DNAH17: variants seen among roughly 807,000 people sequenced by gnomAD.
The protein encoded by DNAH17 is axonemal beta dynein heavy chain 17.
A neutral mutation model predicts 485.6 loss-of-function variants in DNAH17; 376 were observed. The observed-to-expected ratio is 0.77, with a 90% confidence interval of 0.71 to 0.84. The LOEUF (loss-of-function observed/expected upper bound fraction) is 0.84. Among genes scored for constraint, DNAH17 ranks in the 40% least tolerant of loss-of-function variants. DNAH17 has a pLI of 0.00. For missense variants in DNAH17, 6,370 were observed against 5,839.3 expected, an observed-to-expected ratio of 1.09 and a Z score of -2.96; for synonymous variants, 3,031 against 2,405.9, an observed-to-expected ratio of 1.26 and a Z score of -7.60.
rs372681378 is a variant in DNAH17 at position 78,462,919 on chromosome 17, C to T, written c.9099G>A (p.Lys3033=). 2.8e-5 allele frequency: 45 copies of T among 1,613,998 alleles called. No individual in the cohort carries two copies. Among genetic ancestry groups the T allele is most frequent in the Non-Finnish European group, 3.4e-5 (40 of 1,179,890 alleles). The change falls in exon 57 of 81, where the codon AAG becomes AAA. Residue 3033 remains lysine (K), a synonymous_variant. Coordinates refer to ENST00000389840, the MANE Select transcript of DNAH17 (RefSeq NM_173628.4). ...TTTTGGCAACAAGTTCCGTTCTCTTCTTGGCCAGCAGGTTCTGGTACAGTT... is the reference window on the plus strand; with the variant it reads ...TTTTGGCAACAAGTTCCGTTCTCTTTTTGGCCAGCAGGTTCTGGTACAGTT... The part of the protein sequence containing the change: ...QIKLYQNLLA[K]KRTELVAKIE...
At position 78,550,173 on chromosome 17, in the gene DNAH17, G is replaced by A. The variant is rs373928889; in HGVS notation, c.2391+1362C>T. On this transcript the variant is annotated intron_variant, in intron 16 of 80. Transcript: ENST00000389840. ...CATGCCCACTAGCTGGCGAGACAAC[G>A]CCATCAACAGGCTAGAAGAATGTTA... Among the ~76,000 whole-genome samples, 21 of 152,346 alleles carry A rather than the reference G, an allele frequency of 1.4e-4. No homozygotes were observed. The South Asian group carries it at 2.3e-3, about 17-fold the overall frequency.
chr17:78,425,485 G>C lies in DNAH17; in HGVS notation c.13002C>G (p.Ala4334=). ...GFFNPQSFLT[A]IMQSMARKNE... ...TCTTCCTGGCCATGGACTGCATGAT[G>C]GCCGTGAGGAACGACTGGGGGTTGA... is the stretch of plus-strand genomic sequence containing the variant. Residue 4334 remains alanine, a synonymous_variant, in exon 80 of 81, where the codon GCC becomes GCG. Transcript: ENST00000389840. 1 of 1,613,998 alleles carries C rather than the reference G, an allele frequency of 6.2e-7. No homozygotes were observed. Among genetic ancestry groups the C allele is most frequent in the Admixed American group, 1.7e-5 (1 of 60,028 alleles).
chr17:78,426,837 C>T, intron 78 of DNAH17, 89 bp downstream of exon 78: 1 of 1,476,500 alleles, frequency 6.8e-7, no homozygotes, highest in East Asian at 2.5e-5. Context: ...GATCCGGGGC[C>T]TGTGCTAGGC....
intron 52 of DNAH17, among the ~76,000 whole-genome samples, chr17:78,476,228 T>G (rs2089010215): frequency 7.8e-6 from 1 of 128,872 alleles, no homozygotes; most frequent in Non-Finnish European, 1.8e-5. Flanking sequence ...GCCGGAGTTA[T>G]CGCGTGGAAC....
intron 2 of DNAH17, 27 bp from the exon 3 acceptor site, chr17:78,572,921 G>T (rs116365379): frequency 1.9e-6 from 3 of 1,594,584 alleles, no homozygotes; most frequent in Non-Finnish European, 1.7e-6. Context: ...CTGTGGTTCC[G>T]CCCCCTGTGC....
chr17:78,504,505 A>G (rs985890137), intron 31 of DNAH17, among the ~76,000 whole-genome samples: 1 of 133,484 alleles, frequency 7.5e-6, no homozygotes, highest in Non-Finnish European at 1.6e-5. Context: ...CCATCCACGT[A>G]GAGCAGGCCA....
intron 60 of DNAH17, 48 bp from the exon 61 acceptor site, chr17:78,459,256 G>A (rs781584448): frequency 1.3e-6 from 2 of 1,557,812 alleles, no homozygotes; most frequent in South Asian, 1.1e-5. Flanking sequence ...TCCTGCTCTG[G>A]CAAAACGGGC....
At chr17:78,544,664 T>C (rs547370831) in intron 16 of DNAH17, among the ~76,000 whole-genome samples, 27 of 152,090 alleles carry the variant, frequency 1.8e-4, no homozygotes, top group African/African-American at 6.5e-4. Flanking sequence ...TAGCCGCGCA[T>C]GGTGGCGGGC....
intron 65 of DNAH17, 39 bp downstream of exon 65, chr17:78,453,304 G>A (rs776900956): frequency 6.2e-7 from 1 of 1,606,696 alleles, no homozygotes; most frequent in South Asian, 1.1e-5. Context: ...GCCTGAAGAT[G>A]TTTACCTGGC....
chr17:78,476,985 C>T (rs987040824), intron 51 of DNAH17, among the ~76,000 whole-genome samples: 32 of 152,164 alleles, frequency 2.1e-4, no homozygotes, highest in Admixed American at 1.8e-3. Flanking sequence ...CCTCATCCTC[C>T]AGAAGAGTGA....
chr17:78,529,783 C>G (rs545160047), intron 21 of DNAH17, 89 bp from the exon 22 acceptor site: 1 of 1,319,224 alleles, frequency 7.6e-7, no homozygotes, highest in South Asian at 1.4e-5. Context: ...GGGACGACCG[C>G]GGTGAGGTCA....
intron 73 of DNAH17, among the ~76,000 whole-genome samples, chr17:78,438,435 A>AGGAG: frequency 1.3e-5 from 1 of 74,700 alleles, no homozygotes; most frequent in Non-Finnish European, 2.6e-5. Flanking sequence ...AAGGAGGAGG[A>AGGAG]GGAGGAGGAG....
chr17:78,446,585 C>T (rs993651895), intron 69 of DNAH17, among the ~76,000 whole-genome samples: 3 of 152,052 alleles, frequency 2.0e-5, no homozygotes, highest in Non-Finnish European at 4.4e-5. Flanking sequence ...GACAGCGGGT[C>T]GTTTTGGCTG....
chr17:78,458,513 C>G, intron 62 of DNAH17, 52 bp downstream of exon 62: 1 of 1,500,006 alleles, frequency 6.7e-7, no homozygotes, highest in Non-Finnish European at 9.3e-7. Flanking sequence ...GTGGGCTTGT[C>G]CCTTTCAGGG....
chr17:78,494,987 G>A lies in DNAH17; in HGVS notation c.6014C>T (p.Thr2005Ile), dbSNP rs776936600. 22 of 1,613,212 alleles carry A rather than the reference G, an allele frequency of 1.4e-5. 1 individual carries two copies. In the Admixed American group the frequency reaches 2.8e-4, roughly 21 times the overall value. ...LLARKFITLY[T>I]LCKELLSKQD... The stretch of plus-strand genomic sequence containing the variant: ...CTTCGAGAGCAGCTCCTTGCACAAG[G>A]TGTACAGGGTGATGAACTTCCTGGC... The change falls in exon 39 of 81, where the codon ACC (threonine) becomes ATC (isoleucine). Residue 2005 changes from threonine to isoleucine, a missense_variant. Coordinates refer to ENST00000389840, the MANE Select transcript of DNAH17 (RefSeq NM_173628.4).
intron 73 of DNAH17, among the ~76,000 whole-genome samples, chr17:78,438,418 TGAGGAGAAGGAG>T (rs1275101541): frequency 3.4e-3 from 3 of 874 alleles, no homozygotes; most frequent in East Asian, 0.05. Context: ...CTGCCCCAAG[TGAGGAGAAGGAG>T]GAGGAGGAGG....
intron 71 of DNAH17, among the ~76,000 whole-genome samples, chr17:78,441,962 A>G (rs1021107029): frequency 3.1e-4 from 47 of 152,246 alleles, no homozygotes; most frequent in African/African-American, 1.1e-3. Flanking sequence ...ACAGGCCTGT[A>G]ATTCCAGCCA....
At position 78,566,463 on chromosome 17, in the gene DNAH17, A is replaced by G. The variant is rs900894644; in HGVS notation, c.1569+151T>C. On this transcript the variant is annotated intron_variant, in intron 11 of 80. Transcript: ENST00000389840. ...GAGCTACACTGGGTGTTCACGGCTG[A>G]CTGACTCTGAGGCACAGGAGACGGG... is the stretch of plus-strand genomic sequence containing the variant. 3 of 618,728 alleles carry G rather than the reference A, an allele frequency of 4.8e-6. No individual in the cohort carries two copies. In the African/African-American group the frequency reaches 5.5e-5, roughly 11 times the overall value. 38.3% of individuals were successfully genotyped at this position (618,728 alleles called of 1,614,324 possible).
At position 78,569,211 on chromosome 17, in the gene DNAH17, G is replaced by T. The variant is rs758436054; in HGVS notation, c.1239C>A (p.Ala413=). The change falls in exon 9 of 81, where the codon GCC becomes GCA. Residue 413 remains alanine (A), a synonymous_variant. Coordinates refer to ENST00000389840, the MANE Select transcript of DNAH17 (RefSeq NM_173628.4). ...PVPWEFPSSL[A]FSRINSFFQR... is the part of the protein sequence containing the mutation. Reference sequence around the variant, plus strand: ...GGAAGAAGGAATTTATCCTGGAAAAGGCAAGAGAAGAAGGGAATTCCCAAG... The same window carrying T: ...GGAAGAAGGAATTTATCCTGGAAAATGCAAGAGAAGAAGGGAATTCCCAAG... 6.2e-7 allele frequency: 1 copy of T among 1,609,550 alleles called. No homozygotes were observed. Among genetic ancestry groups the T allele is most frequent in the Non-Finnish European group, 8.5e-7 (1 of 1,177,956 alleles).
Sources: gnomAD v4.1 joint callset for allele counts (sites outside exome capture counted in the v4.1 genomes callset) on GRCh38, gnomAD v4.1.1 for gene constraint, MANE v1.5 for transcripts, NCBI Gene and HGNC (gene_info 2026-07-23, HGNC 2026-07-21) for gene names.